GPR39: variants seen among roughly 807,000 people sequenced by gnomAD.
GPR39 encodes zinc sensing receptor.
In GPR39, 23 loss-of-function variants were observed where a neutral mutation model predicts 18.4. The observed-to-expected ratio is 1.25, with a 90% CI of 0.90 to 1.77. The LOEUF is 1.77. GPR39 is among the 40% of genes most tolerant of loss of function. The probability of loss-of-function intolerance (pLI) is 0.00; values close to 1 mark genes in which losing one functional copy is unlikely to be tolerated. For missense variants in GPR39, 647 were observed against 602.4 expected (o/e 1.07, Z -0.78); for synonymous variants, 280 against 257.9 (o/e 1.09, Z -0.82).
intron 1 of GPR39, among the ~76,000 whole-genome samples, chr2:132,564,005 G>T (rs541669357): frequency 6.6e-6 from 1 of 152,280 alleles, no homozygotes; most frequent in East Asian, 1.9e-4. Context: ...GCAAAGCCTT[G>T]AAACCACTGC....
At chr2:132,641,367 G>A (rs1681853274) in intron 1 of GPR39, among the ~76,000 whole-genome samples, 1 of 152,166 alleles carries the variant, frequency 6.6e-6, no homozygotes, top group African/African-American at 2.4e-5. Flanking sequence ...TATGTGGGAG[G>A]TTCCTTGGGG....
At chr2:132,511,459 T>G (rs1001210611) in intron 1 of GPR39, among the ~76,000 whole-genome samples, 3 of 152,352 alleles carry the variant, frequency 2.0e-5, no homozygotes, top group African/African-American at 7.2e-5. Context: ...AAATCAGTTC[T>G]GTATGATATT....
At chr2:132,559,198 T>C (rs922832191) in intron 1 of GPR39, among the ~76,000 whole-genome samples, 1 of 152,206 alleles carries the variant, frequency 6.6e-6, no homozygotes, top group Non-Finnish European at 1.5e-5. Context: ...GGAAAAGAAC[T>C]GACCGAGGTT....
chr2:132,514,444 T>C (rs1041544599), intron 1 of GPR39, among the ~76,000 whole-genome samples: 17 of 152,058 alleles, frequency 1.1e-4, no homozygotes, highest in African/African-American at 4.1e-4. Flanking sequence ...GGTCACAGGC[T>C]CCCCCGTGTT....
intron 1 of GPR39, among the ~76,000 whole-genome samples, chr2:132,422,200 G>T (rs1048269602): frequency 1.4e-4 from 21 of 152,092 alleles, no homozygotes; most frequent in African/African-American, 4.6e-4. Flanking sequence ...TCACCCTCAT[G>T]GAAGCACCTA....
chr2:132,638,424 A>T (rs1681803000), intron 1 of GPR39, among the ~76,000 whole-genome samples: 1 of 152,156 alleles, frequency 6.6e-6, no homozygotes, highest in Non-Finnish European at 1.5e-5. Context: ...GGGCTTGTTA[A>T]CCCCAGATTG....
intron 1 of GPR39, among the ~76,000 whole-genome samples, chr2:132,452,296 A>G (rs1286074263): frequency 6.6e-6 from 1 of 152,202 alleles, no homozygotes; most frequent in Non-Finnish European, 1.5e-5. Flanking sequence ...GTCAAGTACA[A>G]TGTATTCAAG....
At chr2:132,543,109 A>G (rs1469999926) in intron 1 of GPR39, among the ~76,000 whole-genome samples, 2 of 152,214 alleles carry the variant, frequency 1.3e-5, no homozygotes, top group Admixed American at 1.3e-4. Flanking sequence ...ACGACCAGGA[A>G]GAATTAGGCA....
At chr2:132,435,287 C>T (rs1680293069) in intron 1 of GPR39, among the ~76,000 whole-genome samples, 1 of 152,142 alleles carries the variant, frequency 6.6e-6, no homozygotes, top group East Asian at 1.9e-4. Flanking sequence ...GACAGTAAAA[C>T]CAACCCCTCC....
At chr2:132,537,250 G>C (rs1679774936) in intron 1 of GPR39, among the ~76,000 whole-genome samples, 1 of 152,106 alleles carries the variant, frequency 6.6e-6, no homozygotes, top group Admixed American at 6.5e-5. Flanking sequence ...AGGAGCTCTT[G>C]TAAGGCAGTC....
At chr2:132,492,367 C>T (rs1681489574) in intron 1 of GPR39, among the ~76,000 whole-genome samples, 1 of 133,314 alleles carries the variant, frequency 7.5e-6, no homozygotes, top group Non-Finnish European at 1.6e-5. Flanking sequence ...ATATATACAC[C>T]ATATATATAC....
chr2:132,476,617 CAG>C (rs1277267634), intron 1 of GPR39, among the ~76,000 whole-genome samples: 3 of 96,736 alleles, frequency 3.1e-5, no homozygotes, highest in African/African-American at 8.4e-5. Flanking sequence ...GCCTGGGTAA[CAG>C]AGCAAGACTC....
In GPR39 at chr2:132,630,061, G is replaced by A. The variant is rs547543045; in HGVS notation, c.857-15040G>A. Among the ~76,000 whole-genome samples the A allele has an allele frequency of 1.4e-4, 21 of 152,278 alleles. No individual in the cohort carries two copies. In the East Asian group the frequency reaches 3.9e-3, roughly 28 times the overall value. ...ATTGGCAGGTCTTCATAAATGTATT[G>A]TTCATCTACCATGAACCAGACACTA... On this transcript the variant is annotated intron_variant, in intron 1 of 1. Coordinates refer to ENST00000329321, the MANE Select transcript of GPR39 (RefSeq NM_001508.3).
chr2:132,548,640 C>T (rs1350168680), intron 1 of GPR39, among the ~76,000 whole-genome samples: 1 of 152,210 alleles, frequency 6.6e-6, no homozygotes, highest in African/African-American at 2.4e-5. Context: ...CTCAATTTAC[C>T]AGCTCTATGC....
chr2:132,546,444 A>C (rs1679950210), intron 1 of GPR39, among the ~76,000 whole-genome samples: 1 of 152,188 alleles, frequency 6.6e-6, no homozygotes, highest in African/African-American at 2.4e-5. Flanking sequence ...GGTTGCTGGA[A>C]GGGGTTGGGT....
At chr2:132,537,052 C>T (rs1411145822) in intron 1 of GPR39, among the ~76,000 whole-genome samples, 2 of 152,152 alleles carry the variant, frequency 1.3e-5, no homozygotes, top group Non-Finnish European at 2.9e-5. Context: ...TTAATTGGCA[C>T]ATGTAGCCCA....
intron 1 of GPR39, among the ~76,000 whole-genome samples, chr2:132,419,364 G>A (rs568927836): frequency 5.3e-5 from 8 of 152,344 alleles, no homozygotes; most frequent in Non-Finnish European, 1.5e-5. Flanking sequence ...AGCTCAAAGA[G>A]TCCCACTGTG....
At chr2:132,462,194 G>T (rs1207432285) in intron 1 of GPR39, among the ~76,000 whole-genome samples, 1 of 152,166 alleles carries the variant, frequency 6.6e-6, no homozygotes, top group African/African-American at 2.4e-5. Flanking sequence ...TCACAGCCCA[G>T]GGAGGACACC....
chr2:132,507,692 A>G (rs1386421568), intron 1 of GPR39, among the ~76,000 whole-genome samples: 1 of 152,216 alleles, frequency 6.6e-6, no homozygotes, highest in African/African-American at 2.4e-5. Context: ...CAGACCGCCC[A>G]TACCTCTGAC....
Sources: allele counts gnomAD v4.1 joint callset (sites outside exome capture counted in the v4.1 genomes callset), GRCh38; gene constraint gnomAD v4.1.1; transcripts MANE v1.5; gene names NCBI Gene and HGNC (gene_info 2026-07-23, HGNC 2026-07-21).